SPTBN2: variants seen among roughly 807,000 people sequenced by gnomAD.
The protein encoded by SPTBN2 is spectrin beta chain, non-erythrocytic 2.
Under a neutral mutation model 284.2 loss-of-function variants are expected in SPTBN2, and 107 were observed. The observed-to-expected ratio is 0.38, with a 90% confidence interval of 0.32 to 0.44. The LOEUF (loss-of-function observed/expected upper bound fraction) is 0.44, where lower values mean the gene tolerates loss of function less well. Ranked by LOEUF, SPTBN2 falls within the 20% of genes least tolerant of loss-of-function variation. The pLI is 1.00. For synonymous variants in SPTBN2, 1,289 were observed against 1,354.8 expected, an observed-to-expected ratio of 0.95 and a Z score of 1.07; for missense variants, 2,569 against 3,287.1, an observed-to-expected ratio of 0.78 and a Z score of 5.34.
At chr11:66,690,334 G>A (rs758830108) in intron 27 of SPTBN2, 51 bp from the exon 28 acceptor site, 12 of 1,515,582 alleles carry the variant, frequency 7.9e-6, no homozygotes, top group South Asian at 1.2e-5. Context: ...CCAAGGAGCC[G>A]CAGCCTGCCT....
At position 66,707,348 on chromosome 11, in the gene SPTBN2, C is replaced by A. The variant is rs1189547617; in HGVS notation, c.1653+168G>T. The stretch of plus-strand genomic sequence containing the variant: ...TCAGCCTCCTCCATGTGGACACGAA[C>A]CCCATGTGGACAGGGCCCTGTTTAC... On this transcript the variant is annotated intron_variant, in intron 13 of 37. Coordinates refer to ENST00000533211, the MANE Select transcript of SPTBN2 (RefSeq NM_006946.4). The surrounding 1 kb of genome is among the most constrained non-coding windows in gnomAD (Gnocchi z 4.9). Among the ~76,000 whole-genome samples, 1 of 152,354 alleles carries A rather than the reference C, an allele frequency of 6.6e-6. No homozygotes were observed. The highest frequency in any genetic ancestry group is 6.5e-5 in the Admixed American group (1 of 15,304).
chr11:66,707,344 C>T lies in SPTBN2; in HGVS notation c.1653+172G>A, dbSNP rs1314675161. Reference sequence around the variant, plus strand: ...GTCATCAGCCTCCTCCATGTGGACACGAACCCCATGTGGACAGGGCCCTGT... The same window carrying T: ...GTCATCAGCCTCCTCCATGTGGACATGAACCCCATGTGGACAGGGCCCTGT... On this transcript the variant is annotated intron_variant, in intron 13 of 37. Transcript: ENST00000533211. The surrounding 1 kb of genome is among the most constrained non-coding windows in gnomAD (Gnocchi z 4.9). 2.0e-5 allele frequency among the ~76,000 whole-genome samples: 3 copies of T among 152,226 alleles called. No individual in the cohort carries two copies. The highest frequency in any genetic ancestry group is 4.4e-5 in the Non-Finnish European group (3 of 68,042).
At chr11:66,705,927 G>C (rs767401762) in intron 13 of SPTBN2, 90 bp from the exon 14 acceptor site, 1 of 1,531,966 alleles carries the variant, frequency 6.5e-7, no homozygotes, top group Non-Finnish European at 8.8e-7. Context: ...CACGGCCCCA[G>C]GTGTTGCACC....
chr11:66,698,252 G>A (rs940603651), intron 20 of SPTBN2, among the ~76,000 whole-genome samples: 10 of 152,184 alleles, frequency 6.6e-5, no homozygotes, highest in Non-Finnish European at 1.3e-4. Flanking sequence ...GCACTACAAC[G>A]ACAGAGATGA....
Position 66,715,363 on chromosome 11 carries a change from G to A in SPTBN2, c.342C>T (p.His114=), listed in dbSNP as rs370442239. The change falls in exon 5 of 38, where the codon CAC becomes CAT. Residue 114 remains histidine (H), a synonymous_variant. Transcript: ENST00000533211. This position sits in a 1 kb window ranked among gnomAD's most constrained non-coding sequence, Gnocchi z 5.3. ...PKPTKGRMRI[H]CLENVDKALQ... is the part of the protein sequence containing the mutation. ...GTGCCTTGTCCACGTTCTCCAGGCA[G>A]TGGATCCGCATGCGGCCCTTTGTAG... 41 of 1,614,004 alleles carry A rather than the reference G, an allele frequency of 2.5e-5. No individual in the cohort carries two copies. The highest frequency in any genetic ancestry group is 3.5e-5 in the Non-Finnish European group (41 of 1,179,958).
In SPTBN2 at chr11:66,742,992, A is replaced by T. The variant is rs1017744756; in HGVS notation, c.-475+1550T>A. 3.3e-5 allele frequency among the ~76,000 whole-genome samples: 5 copies of T among 152,324 alleles called. No homozygotes were observed. The East Asian group carries it at 9.6e-4, about 29-fold the overall frequency. On this transcript the variant is annotated intron_variant, in intron 1 of 37. Transcript: ENST00000611817. Reference sequence around the variant, plus strand: ...TAGTGACGATAACAATTTTCTTACAAGATAGTTGAGAGGATGACATCATTT... The same window carrying T: ...TAGTGACGATAACAATTTTCTTACATGATAGTTGAGAGGATGACATCATTT...
Position 66,685,825 on chromosome 11 carries a change from G to C in SPTBN2, c.*46C>G, listed in dbSNP as rs1292554914. 2 of 1,586,506 alleles carry C rather than the reference G, an allele frequency of 1.3e-6. No homozygotes were observed. The highest frequency in any genetic ancestry group is 1.7e-6 in the Non-Finnish European group (2 of 1,156,676). ...CGGTCCCTGTCGACTGTCCCTGGCA[G>C]TTTCCTGAACGGAGGGAGGGAGTTG... is the stretch of plus-strand genomic sequence containing the variant. On this transcript the variant is annotated 3_prime_UTR_variant, in exon 38 of 38. Coordinates refer to ENST00000533211, the MANE Select transcript of SPTBN2 (RefSeq NM_006946.4). The surrounding 1 kb of genome is among the most constrained non-coding windows in gnomAD (Gnocchi z 4.4).
In SPTBN2 at chr11:66,685,631, G is replaced by A. The variant is rs569139999; in HGVS notation, c.*240C>T. 9 of 533,484 alleles carry A rather than the reference G, an allele frequency of 1.7e-5. No individual in the cohort carries two copies. The South Asian group carries it at 1.8e-4, about 10-fold the overall frequency. 33.0% of individuals were successfully genotyped at this position (533,484 alleles called of 1,614,324 possible). The stretch of plus-strand genomic sequence containing the variant: ...CGAGGCTGGGGAAAGGGGAGAAGTC[G>A]GCGGGGGTGGGAGAGGGGGTTACCT... On this transcript the variant is annotated 3_prime_UTR_variant, in exon 38 of 38. Coordinates refer to ENST00000533211, the MANE Select transcript of SPTBN2 (RefSeq NM_006946.4). The surrounding 1 kb of genome is among the most constrained non-coding windows in gnomAD (Gnocchi z 4.4).
In SPTBN2 at chr11:66,692,544, G is replaced by A; in HGVS notation, c.5182C>T (p.His1728Tyr). 1 of 1,602,950 alleles carries A rather than the reference G, an allele frequency of 6.2e-7. No individual in the cohort carries two copies. Among genetic ancestry groups the A allele is most frequent in the Non-Finnish European group, 8.5e-7 (1 of 1,179,952 alleles). The change falls in exon 26 of 38, where the codon CAT (histidine) becomes TAT (tyrosine). Residue 1728 changes from histidine to tyrosine, a missense_variant. Transcript: ENST00000533211. Reference sequence around the variant, plus strand: ...GCCCTCCCTACACTCACAGTCACATGCTCGTAGTCCTGGCCCAGCTCGTGG... The same window carrying A: ...GCCCTCCCTACACTCACAGTCACATACTCGTAGTCCTGGCCCAGCTCGTGG... ...ASHELGQDYE[H>Y]VTMLRDKFRE...
At position 66,710,950 on chromosome 11, in the gene SPTBN2, C is replaced by T. The variant is rs1941828530; in HGVS notation, c.852G>A (p.Lys284=). The T allele has an allele frequency of 6.2e-7, 1 of 1,614,246 alleles. No homozygotes were observed. The highest frequency in any genetic ancestry group is 1.1e-5 in the South Asian group (1 of 91,084). Residue 284 remains lysine (K), a synonymous_variant, in exon 9 of 38, where the codon AAG becomes AAA. Coordinates refer to ENST00000533211, the MANE Select transcript of SPTBN2 (RefSeq NM_006946.4). The surrounding 1 kb of genome is among the most constrained non-coding windows in gnomAD (Gnocchi z 4.9). ...TTCTCTTGCCTTCCACGGCCAGGGC[C>T]TTCATCTTGGAGAAGTAATGGTAGT... is the stretch of plus-strand genomic sequence containing the variant. The part of the protein sequence containing the change: ...ATYYHYFSKM[K]ALAVEGKRIG...
rs769293710 is a variant in SPTBN2 at position 66,705,046 on chromosome 11, C to G, written c.2230G>C (p.Ala744Pro). The change falls in exon 15 of 38, where the codon GCC becomes CCC. Residue 744 changes from alanine to proline, a missense_variant. Ala to Pro is a conservative substitution (Grantham distance 27, BLOSUM62 -1). Coordinates refer to ENST00000533211, the MANE Select transcript of SPTBN2 (RefSeq NM_006946.4). ...ALAEERAQRL[A>P]QAASLYQFQA... The stretch of plus-strand genomic sequence containing the variant: ...AACTGGTAGAGGCTGGCGGCTTGGG[C>G]CAGCCGCTGGGCACGCTCCTCGGCC... The G allele has an allele frequency of 6.3e-7, 1 of 1,598,462 alleles. No individual in the cohort carries two copies. The highest frequency in any genetic ancestry group is 1.1e-5 in the South Asian group (1 of 90,854).
rs1940869639 is a variant in SPTBN2, at chr11:66,695,773, A to G, written c.4278+504T>C. 2.0e-5 allele frequency among the ~76,000 whole-genome samples: 3 copies of G among 151,758 alleles called. No homozygotes were observed. In the South Asian group the frequency reaches 6.2e-4, roughly 32 times the overall value. On this transcript the variant is annotated intron_variant, in intron 21 of 37. Coordinates refer to ENST00000533211, the MANE Select transcript of SPTBN2 (RefSeq NM_006946.4). The stretch of plus-strand genomic sequence containing the variant: ...TTTTTTTTGAGACAGAGGCTTGCCC[A>G]GGCTGGAGTGCGATGGCATGATCAC...
intron 29 of SPTBN2, 134 bp downstream of exon 29, chr11:66,689,671 C>G (rs1949533816): frequency 7.2e-7 from 1 of 1,389,572 alleles, no homozygotes; most frequent in Non-Finnish European, 1.0e-6. Flanking sequence ...ATGCGAGAAA[C>G]CCGTGAATGG....
chr11:66,693,020 G>A lies in SPTBN2; in HGVS notation c.4935C>T (p.His1645=), dbSNP rs148929469. 3 of 1,612,134 alleles carry A rather than the reference G, an allele frequency of 1.9e-6. No homozygotes were observed. The highest frequency in any genetic ancestry group is 3.3e-5 in the Admixed American group (2 of 60,004). ...TGTCCTGGCTGCTGGCCGCCAGCTG[G>A]TGGATGGTCTGCGCGTAGTCGGCCA... ...QALADYAQTI[H]QLAASSQDMI... is the part of the protein sequence containing the mutation. Residue 1645 remains histidine (H), a synonymous_variant, in exon 25 of 38, where the codon CAC becomes CAT. Coordinates refer to ENST00000533211, the MANE Select transcript of SPTBN2 (RefSeq NM_006946.4). This position sits in a 1 kb window ranked among gnomAD's most constrained non-coding sequence, Gnocchi z 5.7.
rs1940420264 is a variant in SPTBN2 at position 66,689,934 on chromosome 11, G to A, written c.5820C>T (p.Ser1940=). 1 of 1,613,982 alleles carries A rather than the reference G, an allele frequency of 6.2e-7. No homozygotes were observed. Among genetic ancestry groups the A allele is most frequent in the Non-Finnish European group, 8.5e-7 (1 of 1,180,004 alleles). The change falls in exon 29 of 38, where the codon TCC becomes TCT. Residue 1940 remains serine (S), a synonymous_variant. Coordinates refer to ENST00000533211, the MANE Select transcript of SPTBN2 (RefSeq NM_006946.4). The part of the protein sequence containing the change: ...MDAQERPRDV[S]SADLVIKNQQ... ...GGTTCTTGATGACTAGATCCGCGGAGGACACATCCCTGGGGGGAGGCAGAA... is the reference window on the plus strand; with the variant it reads ...GGTTCTTGATGACTAGATCCGCGGAAGACACATCCCTGGGGGGAGGCAGAA...
chr11:66,731,562 C>G (rs1468812239), upstream of SPTBN2, among the ~76,000 whole-genome samples: 1 of 152,212 alleles, frequency 6.6e-6, no homozygotes, highest in Admixed American at 6.5e-5. Context: ...CTTCTGGCTC[C>G]TATGCTAAGT....
chr11:66,729,884 C>G (rs942437383), upstream of SPTBN2, among the ~76,000 whole-genome samples: 1 of 152,154 alleles, frequency 6.6e-6, no homozygotes, highest in African/African-American at 2.4e-5. Flanking sequence ...TCACTGCAAC[C>G]TCCTCTTCCC....
rs1167256120 is a variant in SPTBN2, at chr11:66,693,201, G to C, written c.4839C>G (p.Gly1613=). ...WMGEQELHMM[G]QEKAKDELSA... ...TGGCCCTCACCTTGGCCTTCTCCTG[G>C]CCCATCATGTGTAATTCCTGCTCGC... The change falls in exon 24 of 38, where the codon GGC becomes GGG. Residue 1613 remains glycine (G), a synonymous_variant. Coordinates refer to ENST00000533211, the MANE Select transcript of SPTBN2 (RefSeq NM_006946.4). This position sits in a 1 kb window ranked among gnomAD's most constrained non-coding sequence, Gnocchi z 5.7. 6.2e-7 allele frequency: 1 copy of C among 1,614,206 alleles called. No homozygotes were observed. The highest frequency in any genetic ancestry group is 1.7e-5 in the Admixed American group (1 of 60,026).
intron 31 of SPTBN2, 122 bp downstream of exon 31, chr11:66,688,531 C>G (rs879001354): frequency 6.8e-7 from 1 of 1,470,892 alleles, no homozygotes; most frequent in Non-Finnish European, 9.2e-7. Context: ...ATGGCACTCT[C>G]AGCTCACATC....
Sources: allele counts gnomAD v4.1 joint callset (sites outside exome capture counted in the v4.1 genomes callset), GRCh38; gene constraint gnomAD v4.1.1; non-coding constraint Gnocchi (gnomAD v3.1); transcripts MANE v1.5; gene names NCBI Gene and HGNC (gene_info 2026-07-23, HGNC 2026-07-21).